The following RELN variants were observed in gnomAD, a reference collection of about 807,000 sequenced individuals.
The protein encoded by RELN is reelin.
A neutral mutation model predicts 427.6 loss-of-function variants in RELN; 108 were observed. The observed-to-expected ratio is 0.25, with a 90% CI of 0.22 to 0.30. The LOEUF is 0.30. Ranked by LOEUF, RELN falls within the 10% of genes least tolerant of loss-of-function variation. The probability of loss-of-function intolerance (pLI) is 1.00; values close to 1 mark genes in which losing one functional copy is unlikely to be tolerated. For missense variants in RELN, 3,715 were observed against 4,302.8 expected (o/e 0.86, Z 3.82); for synonymous variants, 1,524 against 1,513.4 (o/e 1.01, Z -0.16).
chr7:103,678,316 T>C (rs1833582047), intron 11 of RELN, among the ~76,000 whole-genome samples: 1 of 152,216 alleles, frequency 6.6e-6, no homozygotes, highest in Non-Finnish European at 1.5e-5. Context: ...GCTAATTAAA[T>C]GATGTGTTTG....
intron 3 of RELN, among the ~76,000 whole-genome samples, chr7:103,832,089 A>G (rs1196968804): frequency 6.6e-6 from 1 of 152,180 alleles, no homozygotes. Flanking sequence ...GAGGATAGGC[A>G]GAAAGAGTAT....
At chr7:103,610,405 T>A (rs144505756) in intron 22 of RELN, among the ~76,000 whole-genome samples, 46 of 152,280 alleles carry the variant, frequency 3.0e-4, no homozygotes, top group African/African-American at 1.1e-3. Flanking sequence ...AACCGACTCA[T>A]TGAGTTCTCC....
intron 8 of RELN, among the ~76,000 whole-genome samples, chr7:103,703,627 A>C (rs1834138997): frequency 6.6e-6 from 1 of 152,206 alleles, no homozygotes; most frequent in South Asian, 2.1e-4. Context: ...TAATTGCCAA[A>C]GTTGAAATTT....
chr7:103,795,404 T>C lies in RELN; in HGVS notation c.474-18777A>G, dbSNP rs1792276210. On this transcript the variant is annotated intron_variant, in intron 3 of 64. Coordinates refer to ENST00000428762, the MANE Select transcript of RELN (RefSeq NM_005045.4). ...TCTTTCCTGGAAGTGAACAAAATAT[T>C]GTTACAGGAGATCCAGTGTGGATAA... is the stretch of plus-strand genomic sequence containing the variant. Among the ~76,000 whole-genome samples, 2 of 152,336 alleles carry C rather than the reference T, an allele frequency of 1.3e-5. 1 individual carries two copies. The highest frequency in any genetic ancestry group is 4.1e-4 in the South Asian group (2 of 4,826).
chr7:103,849,669 A>G (rs1197244966), intron 2 of RELN, among the ~76,000 whole-genome samples: 1 of 152,184 alleles, frequency 6.6e-6, no homozygotes, highest in East Asian at 1.9e-4. Context: ...CTCTCCCTGC[A>G]TAGAACTGGA....
chr7:103,932,043 C>T (rs1228230066), intron 1 of RELN, among the ~76,000 whole-genome samples: 1 of 152,180 alleles, frequency 6.6e-6, no homozygotes, highest in Non-Finnish European at 1.5e-5. Flanking sequence ...TGGGTATATA[C>T]CCAAAGGAAT....
chr7:103,542,323 A>G (rs558960689), intron 43 of RELN, among the ~76,000 whole-genome samples: 2 of 152,240 alleles, frequency 1.3e-5, no homozygotes, highest in Admixed American at 6.5e-5. Flanking sequence ...CTGCATTTCA[A>G]CTAAGCTTTC....
chr7:103,495,750 T>C lies in RELN; in HGVS notation c.9342A>G (p.Ile3114Met). ...TAAACTGCATCATGTATCCTGGCTG[T>C]ATAATGAGTTCTCGGGAGGAGAGAG... Reference protein sequence around the residue: ...HNALSSRELIIQPGYMMQFKI... With the variant: ...HNALSSRELIMQPGYMMQFKI... The change falls in exon 57 of 65, where the codon ATA becomes ATG. Residue 3114 changes from isoleucine to methionine, a missense_variant. This residue lies in a region of RELN where 1,310 missense variants were observed against 1,643.0 expected (regional missense o/e 0.80). Coordinates refer to ENST00000428762, the MANE Select transcript of RELN (RefSeq NM_005045.4). 2 of 1,614,144 alleles carry C rather than the reference T, an allele frequency of 1.2e-6. No homozygotes were observed. The highest frequency in any genetic ancestry group is 1.7e-6 in the Non-Finnish European group (2 of 1,180,010).
At chr7:103,985,147 T>C (rs976987230) in intron 1 of RELN, among the ~76,000 whole-genome samples, 3 of 152,214 alleles carry the variant, frequency 2.0e-5, no homozygotes, top group Non-Finnish European at 1.5e-5. Flanking sequence ...TGTCTCACAG[T>C]ATAATTTTTT....
chr7:103,853,171 A>C (rs950964690), intron 2 of RELN, among the ~76,000 whole-genome samples: 1 of 152,056 alleles, frequency 6.6e-6, no homozygotes, highest in Admixed American at 6.5e-5. Flanking sequence ...GCTCTCTAAA[A>C]ATTGCTATAA....
At chr7:103,767,213 C>G (rs928162589) in intron 4 of RELN, among the ~76,000 whole-genome samples, 3 of 151,794 alleles carry the variant, frequency 2.0e-5, no homozygotes, top group African/African-American at 7.3e-5. Flanking sequence ...ATTTAGGGCA[C>G]CAAAGAGTAT....
intron 50 of RELN, among the ~76,000 whole-genome samples, chr7:103,514,294 TTAATA>T (rs372602313): frequency 1.1e-3 from 170 of 152,318 alleles, no homozygotes; most frequent in East Asian, 1.9e-3. Flanking sequence ...AGATACATAC[TTAATA>T]TAAGACACCA....
intron 38 of RELN, among the ~76,000 whole-genome samples, chr7:103,554,099 AC>A (rs2117160773): frequency 1.3e-5 from 2 of 151,818 alleles, no homozygotes; most frequent in South Asian, 2.1e-4. Flanking sequence ...AGGTGGGAGG[AC>A]TGCTTGGGTC....
chr7:103,664,971 C>G (rs1833227167), intron 11 of RELN, among the ~76,000 whole-genome samples: 1 of 151,888 alleles, frequency 6.6e-6, no homozygotes, highest in Non-Finnish European at 1.5e-5. Context: ...ATTTATCTAT[C>G]TTTTCTCTAT....
At chr7:103,755,919 G>A (rs1791139304) in intron 4 of RELN, among the ~76,000 whole-genome samples, 1 of 151,022 alleles carries the variant, frequency 6.6e-6, no homozygotes, top group Admixed American at 6.6e-5. Flanking sequence ...AAAAAGAAAA[G>A]AAAAACCCTG....
intron 3 of RELN, among the ~76,000 whole-genome samples, chr7:103,795,865 G>A (rs1374874765): frequency 1.3e-5 from 2 of 152,122 alleles, no homozygotes; most frequent in East Asian, 3.9e-4. Flanking sequence ...CACAGCTAGG[G>A]CTCTTGTAAG....
At chr7:103,575,357 T>C (rs1194168070) in intron 29 of RELN, among the ~76,000 whole-genome samples, 191 bp downstream of exon 29, 1 of 152,236 alleles carries the variant, frequency 6.6e-6, no homozygotes, top group African/African-American at 2.4e-5. Context: ...TTAGTATGTT[T>C]CCTTTTTGGA....
chr7:103,752,052 G>A (rs146465067), intron 5 of RELN, among the ~76,000 whole-genome samples: 2 of 152,236 alleles, frequency 1.3e-5, no homozygotes, highest in East Asian at 3.9e-4. Context: ...AAGGCAATGG[G>A]TAAGCCTCAT....
chr7:103,646,222 C>T (rs933766718), intron 16 of RELN, among the ~76,000 whole-genome samples: 4 of 151,592 alleles, frequency 2.6e-5, no homozygotes, highest in African/African-American at 2.4e-5. Context: ...ACTAGAAAAA[C>T]AAGAATGAAC....
Sources: gnomAD v4.1 joint callset for allele counts (sites outside exome capture counted in the v4.1 genomes callset) on GRCh38, gnomAD v4.1.1 for gene constraint, gnomAD v4.1.1 regional missense constraint, MANE v1.5 for transcripts, NCBI Gene and HGNC (gene_info 2026-07-23, HGNC 2026-07-21) for gene names.